RGS17: variants seen among roughly 807,000 people sequenced by gnomAD.
The protein encoded by RGS17 is regulator of G protein signaling 17, also known as regulator of G-protein signaling 17.
RGS17 carries 12 observed loss-of-function variants against 25.5 expected under a neutral mutation model. The observed-to-expected ratio is 0.47, with a 90% CI of 0.30 to 0.76. The LOEUF (loss-of-function observed/expected upper bound fraction) is 0.76. RGS17 is among the 30% of genes least tolerant of loss of function. The pLI, the probability that RGS17 is intolerant of heterozygous loss-of-function variation, is 0.07. For synonymous variants in RGS17, 71 were observed against 76.9 expected (o/e 0.92, Z 0.40); for missense variants, 196 against 242.2 (o/e 0.81, Z 1.27).
At chr6:153,054,041 A>T (rs1436166428) in intron 1 of RGS17, among the ~76,000 whole-genome samples, 16 of 70,462 alleles carry the variant, frequency 2.3e-4, no homozygotes, top group Admixed American at 3.8e-4. Flanking sequence ...ATACATATAT[A>T]TGTATATATG....
At chr6:153,084,512 C>G (rs1005128545) in intron 1 of RGS17, among the ~76,000 whole-genome samples, 1 of 151,974 alleles carries the variant, frequency 6.6e-6, no homozygotes, top group African/African-American at 2.4e-5. Flanking sequence ...GCAAAGGGAG[C>G]CACTTGGCTT....
intron 1 of RGS17, among the ~76,000 whole-genome samples, chr6:153,082,269 A>G (rs1776996496): frequency 6.6e-6 from 1 of 152,146 alleles, no homozygotes; most frequent in Non-Finnish European, 1.5e-5. Context: ...TCAAATTTGG[A>G]AAACTGTTGG....
At chr6:153,025,497 T>C (rs1365775491) in intron 3 of RGS17, among the ~76,000 whole-genome samples, 1 of 151,720 alleles carries the variant, frequency 6.6e-6, no homozygotes, top group Non-Finnish European at 1.5e-5. Context: ...TCCACTTGCT[T>C]ATACATTAAA....
intron 1 of RGS17, among the ~76,000 whole-genome samples, chr6:153,045,096 G>T (rs1776371425): frequency 6.6e-6 from 1 of 152,160 alleles, no homozygotes; most frequent in African/African-American, 2.4e-5. Flanking sequence ...GATATTTTCA[G>T]TTCTGAATAC....
At chr6:153,109,897 T>G (rs1001883891) in intron 1 of RGS17, among the ~76,000 whole-genome samples, 1 of 152,362 alleles carries the variant, frequency 6.6e-6, no homozygotes, top group East Asian at 1.9e-4. Context: ...ACATGGTGCC[T>G]GAATAATCAA....
intron 1 of RGS17, among the ~76,000 whole-genome samples, chr6:153,059,281 G>T (rs558839563): frequency 6.6e-6 from 1 of 152,116 alleles, no homozygotes; most frequent in Non-Finnish European, 1.5e-5. Context: ...TCTATTGGTC[G>T]CATTTAAAAG....
chr6:153,059,367 C>T (rs1008712050), intron 1 of RGS17, among the ~76,000 whole-genome samples: 2 of 152,052 alleles, frequency 1.3e-5, no homozygotes, highest in Non-Finnish European at 2.9e-5. Context: ...GAAGGTTAAG[C>T]CATTTCTATG....
At chr6:153,104,892 A>T (rs574005929) in intron 1 of RGS17, among the ~76,000 whole-genome samples, 1 of 152,038 alleles carries the variant, frequency 6.6e-6, no homozygotes, top group East Asian at 1.9e-4. Flanking sequence ...GAAAAAGGAG[A>T]TAAGAAAGTG....
intron 2 of RGS17, among the ~76,000 whole-genome samples, chr6:153,038,822 G>A (rs956597942): frequency 1.3e-5 from 2 of 152,140 alleles, no homozygotes; most frequent in African/African-American, 4.8e-5. Flanking sequence ...CATTATTTTT[G>A]CACTGTTTTG....
intron 2 of RGS17, among the ~76,000 whole-genome samples, chr6:153,039,665 T>G (rs1776298409): frequency 6.6e-6 from 1 of 152,208 alleles, no homozygotes; most frequent in Non-Finnish European, 1.5e-5. Flanking sequence ...CTCTGAATGA[T>G]GTTGCAAGAG....
chr6:153,126,455 C>A (rs1258957197), intron 1 of RGS17, among the ~76,000 whole-genome samples: 1 of 152,180 alleles, frequency 6.6e-6, no homozygotes, highest in Non-Finnish European at 1.5e-5. Context: ...CCACAGTGAT[C>A]TTTGTCACTG....
At chr6:153,040,022 C>G (rs557647008) in intron 2 of RGS17, among the ~76,000 whole-genome samples, 1 of 151,830 alleles carries the variant, frequency 6.6e-6, no homozygotes, top group South Asian at 2.1e-4. Flanking sequence ...GGTCTCTTCA[C>G]CCTAGCTTGG....
In RGS17 at chr6:153,011,763, C is replaced by T; in HGVS notation, c.445-1G>A. The T allele has an allele frequency of 6.3e-7, 1 of 1,579,698 alleles. No individual in the cohort carries two copies. Among genetic ancestry groups the T allele is most frequent in the South Asian group, 1.2e-5 (1 of 84,782 alleles). The stretch of plus-strand genomic sequence containing the variant: ...CTCTAACTCGAGAATCAAGACTGAC[C>T]TAAAAAGAAACAAGAGCAAATACAT... On this transcript the variant is annotated splice_acceptor_variant, in intron 4 of 4. Transcript: ENST00000206262. LOFTEE classifies it high-confidence loss of function.
intron 1 of RGS17, among the ~76,000 whole-genome samples, chr6:153,121,828 C>T (rs374737791): frequency 6.6e-6 from 1 of 152,070 alleles, no homozygotes; most frequent in African/African-American, 2.4e-5. Context: ...TTTAACATAA[C>T]CTATGTTAGG....
intron 4 of RGS17, chr6:153,023,401 T>C (rs776848203): frequency 5.9e-6 from 3 of 507,790 alleles, no homozygotes. Context: ...CTCTATGTTC[T>C]CTAAGTGCTT....
intron 2 of RGS17, among the ~76,000 whole-genome samples, chr6:153,029,206 C>T (rs1779334727): frequency 6.6e-6 from 1 of 152,228 alleles, no homozygotes; most frequent in South Asian, 2.1e-4. Flanking sequence ...CTATTGGCCA[C>T]AGTCTTGCCC....
intron 1 of RGS17, among the ~76,000 whole-genome samples, chr6:153,115,111 T>A (rs564651829): frequency 6.6e-6 from 1 of 152,262 alleles, no homozygotes; most frequent in Admixed American, 6.5e-5. Flanking sequence ...AAATAAAGGA[T>A]ATTCATATAG....
At chr6:153,067,390 TATG>T (rs1361524948) in intron 1 of RGS17, among the ~76,000 whole-genome samples, 1 of 152,126 alleles carries the variant, frequency 6.6e-6, no homozygotes, top group African/African-American at 2.4e-5. Flanking sequence ...TTGCAGACGA[TATG>T]ATCTTATATT....
rs929658844 is a variant in RGS17 at position 153,010,849 on chromosome 6, T to G, written c.*725A>C. ...TTTGATTTGTCATTGAGATAGGATA[T>G]CTTCAAATTGTTTTGTGCTTTTTTC... On this transcript the variant is annotated 3_prime_UTR_variant, in exon 5 of 5. Coordinates refer to ENST00000206262, the MANE Select transcript of RGS17 (RefSeq NM_012419.5). 1 of 151,868 alleles carries G rather than the reference T, an allele frequency of 6.6e-6. No homozygotes were observed. The highest frequency in any genetic ancestry group is 2.1e-4 in the South Asian group (1 of 4,832). 9.4% of individuals were successfully genotyped at this position (151,868 alleles called of 1,614,324 possible).
Sources: allele counts gnomAD v4.1 joint callset (sites outside exome capture counted in the v4.1 genomes callset), GRCh38; gene constraint gnomAD v4.1.1; transcripts MANE v1.5; gene names NCBI Gene and HGNC (gene_info 2026-07-23, HGNC 2026-07-21).